The following TRHDE variants were observed in gnomAD, a reference collection of about 807,000 sequenced individuals.
TRHDE encodes thyrotropin releasing hormone degrading enzyme.
A neutral mutation model predicts 125.7 loss-of-function variants in TRHDE; 72 were observed. The observed-to-expected ratio is 0.57, with a 90% CI of 0.47 to 0.70. TRHDE has a LOEUF of 0.70. Ranked by LOEUF, TRHDE falls within the 30% of genes least tolerant of loss-of-function variation. The pLI, the probability that TRHDE is intolerant of heterozygous loss-of-function variation, is 0.00. For missense variants in TRHDE, 1,110 were observed against 1,327.1 expected (o/e 0.84, Z 2.54); for synonymous variants, 509 against 509.1 (o/e 1.00, Z 0.00).
intron 6 of TRHDE, among the ~76,000 whole-genome samples, chr12:72,533,090 G>A (rs1438000997): frequency 1.3e-5 from 2 of 151,888 alleles, no homozygotes; most frequent in Non-Finnish European, 2.9e-5. Context: ...ATTGGTATAT[G>A]TGTTTGTTGT....
intron 3 of TRHDE, among the ~76,000 whole-genome samples, chr12:72,443,806 G>A (rs373954286): frequency 6.6e-5 from 10 of 151,864 alleles, no homozygotes; most frequent in Middle Eastern, 6.8e-3. Context: ...TAGAAAGAGC[G>A]TGGATTCCAA....
intron 3 of TRHDE, among the ~76,000 whole-genome samples, chr12:72,452,814 G>A (rs953068974): frequency 1.3e-4 from 19 of 151,896 alleles, no homozygotes; most frequent in Non-Finnish European, 2.4e-4. Context: ...TCCTGCTCTG[G>A]CCATGTACAT....
rs932360877 is a variant in TRHDE at position 72,419,079 on chromosome 12, T to A, written c.1315+40958T>A. ...AAGGGAAAGGGGTAGGAAGTAATTC[T>A]AGGAAAAAGCAGCTTTGCCATCCAA... On this transcript the variant is annotated intron_variant, in intron 3 of 18. Coordinates refer to ENST00000261180, the MANE Select transcript of TRHDE (RefSeq NM_013381.3). 7.9e-5 allele frequency among the ~76,000 whole-genome samples: 12 copies of A among 152,122 alleles called. No homozygotes were observed. In the East Asian group the frequency reaches 1.3e-3, roughly 17 times the overall value.
At chr12:72,122,747 C>T (rs1057217592) in intron 2 of TRHDE, among the ~76,000 whole-genome samples, 6 of 151,832 alleles carry the variant, frequency 4.0e-5, no homozygotes, top group Admixed American at 2.6e-4. Flanking sequence ...ATGATCTAAT[C>T]CAAAAAATAG....
intron 12 of TRHDE, among the ~76,000 whole-genome samples, chr12:72,592,048 T>C (rs1228549415): frequency 6.6e-6 from 1 of 152,172 alleles, no homozygotes; most frequent in East Asian, 1.9e-4. Context: ...AAAAAAAGCT[T>C]GGCTTTTAAT....
At chr12:72,354,008 T>C (rs893132357) in intron 2 of TRHDE, among the ~76,000 whole-genome samples, 4 of 151,636 alleles carry the variant, frequency 2.6e-5, no homozygotes, top group African/African-American at 9.7e-5. Flanking sequence ...AATGTTGGGA[T>C]GTGGTAAGTT....
At chr12:72,635,928 A>T (rs1424813997) in intron 15 of TRHDE, among the ~76,000 whole-genome samples, 1 of 152,096 alleles carries the variant, frequency 6.6e-6, no homozygotes, top group Non-Finnish European at 1.5e-5. Context: ...GTTTGAAGTC[A>T]GGTAGCATGA....
chr12:72,638,975 T>C (rs1873901514), intron 15 of TRHDE, among the ~76,000 whole-genome samples: 2 of 151,608 alleles, frequency 1.3e-5, no homozygotes, highest in African/African-American at 4.8e-5. Context: ...ATCTGACAAT[T>C]ATGTGTCTTG....
chr12:72,539,314 C>T lies in TRHDE; in HGVS notation c.1723-2977C>T, dbSNP rs199960905. On this transcript the variant is annotated intron_variant, in intron 6 of 18. Coordinates refer to ENST00000261180, the MANE Select transcript of TRHDE (RefSeq NM_013381.3). Reference sequence around the variant, plus strand: ...AGGATACCAAACATACCACCTTATTCAATAAGCATGCACTAAAGAAAGAAA... The same window carrying T: ...AGGATACCAAACATACCACCTTATTTAATAAGCATGCACTAAAGAAAGAAA... Among the ~76,000 whole-genome samples the T allele has an allele frequency of 1.4e-4, 21 of 151,972 alleles. No homozygotes were observed. The East Asian group carries it at 3.7e-3, about 27-fold the overall frequency.
chr12:72,170,818 T>TTC (rs1046300142), intron 2 of TRHDE, among the ~76,000 whole-genome samples: 23 of 151,828 alleles, frequency 1.5e-4, no homozygotes, highest in African/African-American at 5.3e-4. Flanking sequence ...TCTCCACAAT[T>TTC]TCTCTCTCTC....
Position 72,330,464 on chromosome 12 carries a change from G to A in TRHDE, c.1188+43510G>A, listed in dbSNP as rs528628170. 1.6e-3 allele frequency among the ~76,000 whole-genome samples: 246 copies of A among 152,308 alleles called. 1 individual carries two copies. The highest frequency in any genetic ancestry group is 5.5e-3 in the African/African-American group (230 of 41,570). On this transcript the variant is annotated intron_variant, in intron 2 of 18. Coordinates refer to ENST00000261180, the MANE Select transcript of TRHDE (RefSeq NM_013381.3). ...TCAGAACTGGAGCCGAGCGAGCAGCGCTCTGCCTGGAAAGCTACTCTCACG... is the reference window on the plus strand; with the variant it reads ...TCAGAACTGGAGCCGAGCGAGCAGCACTCTGCCTGGAAAGCTACTCTCACG...
intron 3 of TRHDE, among the ~76,000 whole-genome samples, chr12:72,381,188 T>C (rs903058379): frequency 6.6e-5 from 10 of 152,068 alleles, no homozygotes; most frequent in Non-Finnish European, 1.5e-4. Context: ...GAATAGCTCT[T>C]CACAACAAAG....
intron 6 of TRHDE, among the ~76,000 whole-genome samples, chr12:72,500,592 A>ATG (rs1878107726): frequency 6.6e-6 from 1 of 151,908 alleles, no homozygotes; most frequent in Non-Finnish European, 1.5e-5. Flanking sequence ...GGGTTTCACC[A>ATG]TGTTGGCCAG....
chr12:72,639,897 T>C (rs1440404030), intron 15 of TRHDE, among the ~76,000 whole-genome samples: 1 of 152,032 alleles, frequency 6.6e-6, no homozygotes, highest in Non-Finnish European at 1.5e-5. Context: ...GAACCACTGC[T>C]CTCTTCAAAG....
At chr12:72,420,351 A>G (rs562748609) in intron 3 of TRHDE, among the ~76,000 whole-genome samples, 1 of 152,268 alleles carries the variant, frequency 6.6e-6, no homozygotes, top group Admixed American at 6.5e-5. Context: ...TCATAGAATG[A>G]TGGTTAGGAG....
At chr12:72,274,815 C>T (rs1879421608) in intron 1 of TRHDE, 2 of 152,240 alleles carry the variant, frequency 1.3e-5, no homozygotes, top group African/African-American at 4.8e-5. Flanking sequence ...TTACAAAGTA[C>T]TTACCCCTGT....
At chr12:72,232,763 C>T (rs556862183) in intron 2 of TRHDE, among the ~76,000 whole-genome samples, 8 of 152,122 alleles carry the variant, frequency 5.3e-5, no homozygotes, top group Non-Finnish European at 7.4e-5. Context: ...CTCCTATTTC[C>T]TTTATGTCTT....
At chr12:72,152,808 T>C (rs1876401687) in intron 2 of TRHDE, among the ~76,000 whole-genome samples, 1 of 152,244 alleles carries the variant, frequency 6.6e-6, no homozygotes, top group African/African-American at 2.4e-5. Flanking sequence ...CAGTATTTTA[T>C]TGAGGATTTT....
At chr12:72,499,732 A>AG (rs1311278330) in intron 6 of TRHDE, 97 bp downstream of exon 6, 2 of 1,332,664 alleles carry the variant, frequency 1.5e-6, no homozygotes, top group Non-Finnish European at 2.1e-6. Context: ...TTTTCCGGGC[A>AG]GATAGACATA....
Sources: allele counts gnomAD v4.1 joint callset (sites outside exome capture counted in the v4.1 genomes callset), GRCh38; gene constraint gnomAD v4.1.1; transcripts MANE v1.5; gene names NCBI Gene and HGNC (gene_info 2026-07-23, HGNC 2026-07-21).